PDE7B: variants seen among roughly 807,000 people sequenced by gnomAD.
The protein encoded by PDE7B is 3',5'-cyclic-AMP phosphodiesterase 7B.
Under a neutral mutation model 56.2 loss-of-function variants are expected in PDE7B, and 29 were observed. That is an observed-to-expected ratio of 0.52 (90% CI 0.38 to 0.70). The LOEUF (loss-of-function observed/expected upper bound fraction) is 0.70. PDE7B is among the 30% of genes least tolerant of loss of function. The probability of loss-of-function intolerance (pLI) is 0.00; values close to 1 mark genes in which losing one functional copy is unlikely to be tolerated. For synonymous variants in PDE7B, 197 were observed against 196.9 expected (o/e 1.00, Z 0.00); for missense variants, 490 against 565.0 (o/e 0.87, Z 1.35).
At chr6:135,974,250 CCT>C (rs1245124713) in intron 2 of PDE7B, among the ~76,000 whole-genome samples, 13 of 152,012 alleles carry the variant, frequency 8.6e-5, no homozygotes, top group Middle Eastern at 3.4e-3. Context: ...CTATCAATAT[CCT>C]CTCATTCCAA....
intron 1 of PDE7B, among the ~76,000 whole-genome samples, chr6:135,907,629 C>T (rs1296359412): frequency 2.6e-5 from 4 of 151,952 alleles, no homozygotes; most frequent in Non-Finnish European, 5.9e-5. Context: ...ACAACATTAA[C>T]TGTTTCTATA....
At chr6:136,096,258 A>T (rs1777469870) in intron 2 of PDE7B, 1 of 152,180 alleles carries the variant, frequency 6.6e-6, no homozygotes, top group African/African-American at 2.4e-5. Flanking sequence ...GATCAGCAAC[A>T]TCTTTTCTTG....
chr6:135,926,286 A>G (rs1355560285), intron 1 of PDE7B, among the ~76,000 whole-genome samples: 1 of 152,000 alleles, frequency 6.6e-6, no homozygotes, highest in Non-Finnish European at 1.5e-5. Flanking sequence ...ACAGGGTTTC[A>G]CCGTGTTAGC....
At chr6:136,028,792 G>A (rs1776192412) in intron 2 of PDE7B, among the ~76,000 whole-genome samples, 1 of 152,184 alleles carries the variant, frequency 6.6e-6, no homozygotes, top group South Asian at 2.1e-4. Flanking sequence ...TTTAATGATG[G>A]CTGATTAGCA....
At chr6:136,150,129 T>G (rs1778485365) in intron 5 of PDE7B, among the ~76,000 whole-genome samples, 1 of 152,190 alleles carries the variant, frequency 6.6e-6, no homozygotes, top group Admixed American at 6.5e-5. Context: ...TTTCTTTAAC[T>G]CAATTAATTA....
intron 1 of PDE7B, among the ~76,000 whole-genome samples, chr6:135,889,233 C>T (rs1446994699): frequency 2.0e-5 from 3 of 152,074 alleles, no homozygotes; most frequent in African/African-American, 7.2e-5. Flanking sequence ...GACTCAGGCT[C>T]TCACTGAACC....
intron 2 of PDE7B, among the ~76,000 whole-genome samples, chr6:135,987,905 G>C (rs1271238944): frequency 2.0e-5 from 3 of 152,038 alleles, no homozygotes; most frequent in African/African-American, 7.2e-5. Context: ...ACACACTGGA[G>C]GTTGGGAATT....
chr6:136,153,487 T>G (rs1024238096), intron 6 of PDE7B, among the ~76,000 whole-genome samples: 1 of 152,202 alleles, frequency 6.6e-6, no homozygotes, highest in African/African-American at 2.4e-5. Context: ...TACATTAGAC[T>G]GCAGGAGCAT....
chr6:135,981,452 A>AATAAT (rs1562459520), intron 2 of PDE7B, among the ~76,000 whole-genome samples: 3 of 151,680 alleles, frequency 2.0e-5, no homozygotes, highest in African/African-American at 7.3e-5. Context: ...ATAATAATAA[A>AATAAT]AACAGACTAT....
chr6:136,191,468 G>A (rs1583936188), intron 12 of PDE7B, 146 bp from the exon 13 acceptor site: 1 of 694,414 alleles, frequency 1.4e-6, no homozygotes, highest in East Asian at 2.7e-5. Flanking sequence ...GGAGTTCAAG[G>A]CCAACCTGGC....
chr6:136,013,342 T>C (rs1262104298), intron 2 of PDE7B, among the ~76,000 whole-genome samples: 2 of 152,212 alleles, frequency 1.3e-5, no homozygotes, highest in African/African-American at 2.4e-5. Context: ...ATGCTGACAA[T>C]GGCCAAGACA....
chr6:135,957,386 G>A (rs546023790), intron 2 of PDE7B, among the ~76,000 whole-genome samples: 1 of 152,252 alleles, frequency 6.6e-6, no homozygotes, highest in South Asian at 2.1e-4. Flanking sequence ...AAATATCCAG[G>A]CCTATTCTTT....
intron 2 of PDE7B, among the ~76,000 whole-genome samples, chr6:136,007,840 T>A (rs191851426): frequency 1.3e-3 from 191 of 150,654 alleles, no homozygotes; most frequent in African/African-American, 4.4e-3. Flanking sequence ...TTCTTCTTTT[T>A]TTTTTATTAT....
intron 2 of PDE7B, among the ~76,000 whole-genome samples, chr6:135,985,217 A>G (rs1322970402): frequency 6.6e-6 from 1 of 152,148 alleles, no homozygotes; most frequent in African/African-American, 2.4e-5. Context: ...CACTGAGGGA[A>G]AAAAAACCCT....
At chr6:136,101,794 A>C (rs1777567030) in intron 2 of PDE7B, among the ~76,000 whole-genome samples, 1 of 152,138 alleles carries the variant, frequency 6.6e-6, no homozygotes, top group Non-Finnish European at 1.5e-5. Context: ...CTGCACCACT[A>C]GGGGTTCATG....
intron 2 of PDE7B, among the ~76,000 whole-genome samples, chr6:135,969,626 G>A (rs4560663): frequency 0.48 from 72,536 of 151,858 alleles, 17,954 homozygotes; most frequent in African/African-American, 0.6. Flanking sequence ...TTAACTCAAG[G>A]TGGGTTAAGG....
At chr6:135,895,459 A>C (rs1410166658) in intron 1 of PDE7B, among the ~76,000 whole-genome samples, 1 of 152,120 alleles carries the variant, frequency 6.6e-6, no homozygotes, top group Non-Finnish European at 1.5e-5. Context: ...CCTCTCTCTG[A>C]TAGCTGCCAA....
At chr6:135,874,376 T>A (rs1306104600) in intron 1 of PDE7B, among the ~76,000 whole-genome samples, 1 of 152,194 alleles carries the variant, frequency 6.6e-6, no homozygotes, top group Non-Finnish European at 1.5e-5. Context: ...AACTATAAAT[T>A]TCCCTCCAAA....
At chr6:136,072,023 G>T (rs1168736503) in intron 2 of PDE7B, among the ~76,000 whole-genome samples, 6 of 152,068 alleles carry the variant, frequency 3.9e-5, no homozygotes, top group Admixed American at 2.0e-4. Context: ...TGCCTTAAAA[G>T]GTACACAGCA....
Sources: gnomAD v4.1 joint callset for allele counts (sites outside exome capture counted in the v4.1 genomes callset) on GRCh38, gnomAD v4.1.1 for gene constraint, MANE v1.5 for transcripts, NCBI Gene and HGNC (gene_info 2026-07-23, HGNC 2026-07-21) for gene names.